The following AGPAT3 variants were observed in gnomAD, a reference collection of about 807,000 sequenced individuals.
The protein encoded by AGPAT3 is 1-acyl-sn-glycerol-3-phosphate acyltransferase gamma.
AGPAT3 carries 5 observed loss-of-function variants against 47.3 expected under a neutral mutation model. That is an observed-to-expected ratio of 0.11 (90% CI 0.06 to 0.22). The LOEUF is 0.22. Ranked by LOEUF, AGPAT3 falls within the 10% of genes least tolerant of loss-of-function variation. The pLI, the probability that AGPAT3 is intolerant of heterozygous loss-of-function variation, is 1.00. For missense variants in AGPAT3, 315 were observed against 493.0 expected (o/e 0.64, Z 3.42); for synonymous variants, 212 against 208.3 (o/e 1.02, Z -0.15).
intron 2 of AGPAT3, among the ~76,000 whole-genome samples, chr21:43,904,697 C>A (rs2086446083): frequency 6.6e-6 from 1 of 152,136 alleles, no homozygotes; most frequent in Admixed American, 6.5e-5. Flanking sequence ...GTCATAGGGC[C>A]CCTGCCCACT....
chr21:43,902,396 T>C lies in AGPAT3; in HGVS notation c.-111-1561T>C, dbSNP rs1205865962. ...AAGATTAATAGGGGAAAATATGCGATATATACACTGTCTTTGTCAATTTGG... is the reference window on the plus strand; with the variant it reads ...AAGATTAATAGGGGAAAATATGCGACATATACACTGTCTTTGTCAATTTGG... On this transcript the variant is annotated intron_variant, in intron 1 of 9. Transcript: ENST00000291572. Among the ~76,000 whole-genome samples the C allele has an allele frequency of 7.2e-5, 11 of 152,366 alleles. 1 individual carries two copies. The South Asian group carries it at 2.3e-3, about 32-fold the overall frequency.
In AGPAT3 at chr21:43,899,289, G is replaced by A. The variant is rs140486239; in HGVS notation, c.-111-4668G>A. Among the ~76,000 whole-genome samples, 31 of 152,300 alleles carry A rather than the reference G, an allele frequency of 2.0e-4. No individual in the cohort carries two copies. The East Asian group carries it at 3.9e-3, about 19-fold the overall frequency. The stretch of plus-strand genomic sequence containing the variant: ...ACTTTGATGTCAGCCTCTGCTTGGC[G>A]TCAGCATCTTTTTGTGTGAAGACAT... On this transcript the variant is annotated intron_variant, in intron 1 of 9. Transcript: ENST00000291572.
intron 2 of AGPAT3, among the ~76,000 whole-genome samples, chr21:43,926,677 G>C (rs557368807): frequency 0.011 from 1,546 of 146,018 alleles, 26 homozygotes; most frequent in Non-Finnish European, 0.014. Flanking sequence ...ATAAAAAGGA[G>C]GGCTGGGCAT....
At chr21:43,975,597 C>T (rs1052242666) in intron 7 of AGPAT3, among the ~76,000 whole-genome samples, 2 of 152,234 alleles carry the variant, frequency 1.3e-5, no homozygotes, top group African/African-American at 4.8e-5. Context: ...GAAACCTCAC[C>T]CATGGGCCCC....
At chr21:43,904,315 G>A (rs546103079) in intron 2 of AGPAT3, among the ~76,000 whole-genome samples, 4 of 152,166 alleles carry the variant, frequency 2.6e-5, no homozygotes, top group East Asian at 1.9e-4. Flanking sequence ...TACAAATGAC[G>A]CTGGGCTGAG....
At chr21:43,975,164 G>A (rs1452738956) in intron 7 of AGPAT3, among the ~76,000 whole-genome samples, 1 of 151,892 alleles carries the variant, frequency 6.6e-6, no homozygotes, top group Non-Finnish European at 1.5e-5. Context: ...GTGCTGGTGT[G>A]TGGTGGGTGC....
chr21:43,918,359 C>T (rs1489157889), intron 2 of AGPAT3, among the ~76,000 whole-genome samples: 4 of 152,002 alleles, frequency 2.6e-5, no homozygotes, highest in African/African-American at 4.8e-5. Flanking sequence ...CCTGGAGCTC[C>T]TGAGCACATG....
intron 1 of AGPAT3, chr21:43,866,667 T>G (rs1341088780): frequency 6.6e-6 from 1 of 152,268 alleles, no homozygotes; most frequent in Non-Finnish European, 1.5e-5. Flanking sequence ...CCATTTCTGG[T>G]TAGTCTTAAG....
rs2087303889 is a variant in AGPAT3, at chr21:43,932,945, G to T, written c.-48-26689G>T. Among the ~76,000 whole-genome samples the T allele has an allele frequency of 6.6e-6, 1 of 152,122 alleles. No individual in the cohort carries two copies. The highest frequency in any genetic ancestry group is 2.4e-5 in the African/African-American group (1 of 41,420). The stretch of plus-strand genomic sequence containing the variant: ...GATTACAGGTGTGAGCCACCGCCCT[G>T]GGCCAGTAGTTCCATTTTTGACTTT... On this transcript the variant is annotated intron_variant, in intron 2 of 9. Coordinates refer to ENST00000291572, the MANE Select transcript of AGPAT3 (RefSeq NM_020132.5). This position sits in a 1 kb window ranked among gnomAD's most constrained non-coding sequence, Gnocchi z 5.2.
chr21:43,957,201 G>C (rs1164902073), intron 2 of AGPAT3, among the ~76,000 whole-genome samples: 2 of 152,002 alleles, frequency 1.3e-5, no homozygotes, highest in Non-Finnish European at 2.9e-5. Context: ...CAGAGGGTGG[G>C]GGCCTGTATG....
At chr21:43,877,907 AC>A (rs1016315624) in intron 1 of AGPAT3, among the ~76,000 whole-genome samples, 5 of 143,126 alleles carry the variant, frequency 3.5e-5, no homozygotes, top group African/African-American at 1.0e-4. Flanking sequence ...CATCTCCCAC[AC>A]CCCCTTCCCC....
At position 43,983,632 on chromosome 21, in the gene AGPAT3, C is replaced by G. The variant is rs559612824; in HGVS notation, c.*1240C>G. 6.6e-6 allele frequency: 1 copy of G among 152,336 alleles called. No homozygotes were observed. The highest frequency in any genetic ancestry group is 1.9e-4 in the East Asian group (1 of 5,152). 9.4% of individuals were successfully genotyped at this position (152,336 alleles called of 1,614,324 possible). On this transcript the variant is annotated 3_prime_UTR_variant, in exon 10 of 10. Transcript: ENST00000291572. ...CTTGGCCTTGCAGCGAGCCCCTGGC[C>G]CACGCCGAGCGAGGGATGCTTCTCC... is the stretch of plus-strand genomic sequence containing the variant.
chr21:43,887,175 A>G (rs993820996), intron 1 of AGPAT3, among the ~76,000 whole-genome samples: 1 of 152,230 alleles, frequency 6.6e-6, no homozygotes, highest in Admixed American at 6.5e-5. Context: ...CAGGTGAAGT[A>G]GTACTGGCTG....
intron 2 of AGPAT3, among the ~76,000 whole-genome samples, chr21:43,946,541 A>G (rs750465563): frequency 1.3e-5 from 2 of 151,932 alleles, no homozygotes; most frequent in African/African-American, 4.8e-5. Flanking sequence ...CAGAGTTTGC[A>G]GTGAGCTGAG....
chr21:43,911,283 G>A (rs764522951), intron 2 of AGPAT3, among the ~76,000 whole-genome samples: 10 of 152,232 alleles, frequency 6.6e-5, no homozygotes, highest in South Asian at 2.1e-4. Context: ...AGAACTGTCC[G>A]TGTGATAGTT....
intron 2 of AGPAT3, among the ~76,000 whole-genome samples, chr21:43,935,543 G>A (rs2087416062): frequency 1.3e-5 from 2 of 152,242 alleles, no homozygotes; most frequent in Non-Finnish European, 2.9e-5. Flanking sequence ...GCCTCTGCAC[G>A]CAGTACTGGG....
At chr21:43,904,483 G>T (rs9981945) in intron 2 of AGPAT3, among the ~76,000 whole-genome samples, 1 of 152,150 alleles carries the variant, frequency 6.6e-6, no homozygotes, top group African/African-American at 2.4e-5. Flanking sequence ...CACAATCCCC[G>T]TGGGGAGCCC....
intron 7 of AGPAT3, among the ~76,000 whole-genome samples, chr21:43,973,542 G>A (rs1206093292): frequency 6.6e-6 from 1 of 152,218 alleles, no homozygotes; most frequent in East Asian, 1.9e-4. Flanking sequence ...CGGCGCCTCC[G>A]CCTCGGGTGC....
chr21:43,882,400 G>T (rs980581924), intron 1 of AGPAT3: 1 of 152,338 alleles, frequency 6.6e-6, no homozygotes, highest in African/African-American at 2.4e-5. Context: ...TGCACTGGGA[G>T]ATGAAGTGGT....
Sources: gnomAD v4.1 joint callset for allele counts (sites outside exome capture counted in the v4.1 genomes callset) on GRCh38, gnomAD v4.1.1 for gene constraint, Gnocchi (gnomAD v3.1) non-coding constraint, MANE v1.5 for transcripts, NCBI Gene and HGNC (gene_info 2026-07-23, HGNC 2026-07-21) for gene names.